Variants in FRAS1 observed in about 807,000 individuals in gnomAD.
The protein encoded by FRAS1 is Fraser extracellular matrix complex subunit 1.
A neutral mutation model predicts 435.2 loss-of-function variants in FRAS1; 290 were observed. The observed-to-expected ratio is 0.67, with a 90% confidence interval of 0.61 to 0.73. FRAS1 has a LOEUF of 0.73. Ranked by LOEUF, FRAS1 falls within the 30% of genes least tolerant of loss-of-function variation. The probability of loss-of-function intolerance (pLI) is 0.00; values close to 1 mark genes in which losing one functional copy is unlikely to be tolerated. For synonymous variants in FRAS1, 1,800 were observed against 1,851.0 expected (o/e 0.97, Z 0.71); for missense variants, 4,860 against 5,001.5 (o/e 0.97, Z 0.85).
Position 78,521,644 on chromosome 4 carries a change from C to A in FRAS1, c.10648+14C>A. 6.7e-7 allele frequency: 1 copy of A among 1,500,952 alleles called. No individual in the cohort carries two copies. Among genetic ancestry groups the A allele is most frequent in the South Asian group, 1.2e-5 (1 of 83,858 alleles). 93.0% of individuals were successfully genotyped at this position (1,500,952 alleles called of 1,614,324 possible). On this transcript the variant is annotated intron_variant, in intron 68 of 73. Transcript: ENST00000512123. ...CCAAATTCAGAGGTAATATCAATGC[C>A]GTTTTTTTTTTCCAACTTTTTATTA...
At chr4:78,494,767 C>T (rs1720464438) in intron 59 of FRAS1, among the ~76,000 whole-genome samples, 3 of 152,220 alleles carry the variant, frequency 2.0e-5, no homozygotes, top group Admixed American at 1.3e-4. Context: ...CACCCACCAG[C>T]TTCCTGACTC....
At chr4:78,067,672 TTTATTATTATTATTATTATTA>T (rs60743368) in intron 2 of FRAS1, among the ~76,000 whole-genome samples, 2 of 125,750 alleles carry the variant, frequency 1.6e-5, no homozygotes, top group Non-Finnish European at 3.2e-5. Flanking sequence ...TTTTCTTTCT[TTTATTATTATTATTATTATTA>T]TTATTATTAT....
intron 18 of FRAS1, among the ~76,000 whole-genome samples, chr4:78,330,496 T>G (rs1560660131): frequency 6.6e-6 from 1 of 152,256 alleles, no homozygotes; most frequent in Non-Finnish European, 1.5e-5. Context: ...CAGAGCCATA[T>G]TTCTCTTCTT....
At chr4:78,376,282 C>T (rs550945401) in intron 26 of FRAS1, among the ~76,000 whole-genome samples, 1 of 152,288 alleles carries the variant, frequency 6.6e-6, no homozygotes, top group African/African-American at 2.4e-5. Flanking sequence ...AGTGTACTTA[C>T]ACAAACCTAG....
chr4:78,236,943 A>G lies in FRAS1; in HGVS notation c.109-567A>G, dbSNP rs77634511. On this transcript the variant is annotated intron_variant, in intron 2 of 73. Coordinates refer to ENST00000512123, the MANE Select transcript of FRAS1 (RefSeq NM_025074.7). ...GCTTCATTTATACCTCAATATGCCC[A>G]GCACCCAGCCAGGCACAAAATAGTC... 9.8e-3 allele frequency among the ~76,000 whole-genome samples: 1,485 copies of G among 152,286 alleles called. 24 individuals carry two copies. The highest frequency in any genetic ancestry group is 0.034 in the African/African-American group (1,418 of 41,556).
chr4:78,185,509 T>A (rs1722232464), intron 2 of FRAS1, among the ~76,000 whole-genome samples: 1 of 152,212 alleles, frequency 6.6e-6, no homozygotes, highest in Admixed American at 6.5e-5. Context: ...GCTTAGGTTA[T>A]TAGCTTTAGA....
chr4:78,460,013 G>A (rs1719319759), intron 47 of FRAS1, among the ~76,000 whole-genome samples: 1 of 152,172 alleles, frequency 6.6e-6, no homozygotes. Context: ...ATATGAATTT[G>A]TGGTGGGGAA....
chr4:78,511,183 G>A, intron 63 of FRAS1, 91 bp from the exon 64 acceptor site: 1 of 1,034,482 alleles, frequency 9.7e-7, no homozygotes, highest in Non-Finnish European at 1.4e-6. Context: ...TGGGTGGATG[G>A]ATGATCTTTA....
At chr4:78,240,673 T>G (rs958818571) in intron 3 of FRAS1, among the ~76,000 whole-genome samples, 1 of 152,206 alleles carries the variant, frequency 6.6e-6, no homozygotes, top group Non-Finnish European at 1.5e-5. Context: ...GGAGATATAA[T>G]GTAGCTGTCA....
At chr4:78,470,233 G>T (rs372526937) in intron 51 of FRAS1, 142 bp downstream of exon 51, 2 of 616,352 alleles carry the variant, frequency 3.2e-6, no homozygotes, top group South Asian at 2.1e-5. Context: ...AGATTAGTGA[G>T]CTCCGTGAGT....
At chr4:78,519,092 AC>A (rs372551533) in intron 66 of FRAS1, among the ~76,000 whole-genome samples, 21,195 of 152,104 alleles carry the variant, frequency 0.14, 1,768 homozygotes, top group Non-Finnish European at 0.2. Flanking sequence ...TTCAAGTGCC[AC>A]CTCCTTAGAG....
intron 6 of FRAS1, among the ~76,000 whole-genome samples, chr4:78,260,410 G>A (rs1726028147): frequency 6.6e-6 from 1 of 152,100 alleles, no homozygotes; most frequent in Non-Finnish European, 1.5e-5. Context: ...CCTTGAAGAG[G>A]TCCTTCATAT....
intron 20 of FRAS1, among the ~76,000 whole-genome samples, chr4:78,362,322 C>CA (rs1731101089): frequency 6.6e-6 from 1 of 152,234 alleles, no homozygotes. Context: ...AGGAGCTTTG[C>CA]AGAGGGCTCA....
Position 78,105,411 on chromosome 4 carries a change from T to C in FRAS1, c.108+39395T>C, listed in dbSNP as rs550917408. Reference sequence around the variant, plus strand: ...GTGCTTTTCTGTTTATTTTTTTCTCTCTCAATATAACTAACGGCACAATGA... The same window carrying C: ...GTGCTTTTCTGTTTATTTTTTTCTCCCTCAATATAACTAACGGCACAATGA... On this transcript the variant is annotated intron_variant, in intron 2 of 73. Transcript: ENST00000512123. Among the ~76,000 whole-genome samples, 69 of 152,276 alleles carry C rather than the reference T, an allele frequency of 4.5e-4. 1 individual carries two copies. In the South Asian group the frequency reaches 0.011, roughly 25 times the overall value.
At chr4:78,075,457 C>T (rs570320372) in intron 2 of FRAS1, among the ~76,000 whole-genome samples, 4 of 152,142 alleles carry the variant, frequency 2.6e-5, no homozygotes, top group South Asian at 2.1e-4. Flanking sequence ...TTTATGTTAC[C>T]GCAGCCAGCA....
chr4:78,288,865 A>G (rs1169650799), intron 14 of FRAS1, among the ~76,000 whole-genome samples: 4 of 152,214 alleles, frequency 2.6e-5, no homozygotes, highest in African/African-American at 9.7e-5. Flanking sequence ...TTCACCACTG[A>G]CCTTGGAAGT....
chr4:78,102,602 A>G (rs1251644882), intron 2 of FRAS1, among the ~76,000 whole-genome samples: 2 of 152,222 alleles, frequency 1.3e-5, no homozygotes, highest in African/African-American at 4.8e-5. Flanking sequence ...TAGTGTATTT[A>G]ATAGGAACTG....
Position 78,450,263 on chromosome 4 carries a change from G to A in FRAS1, c.6387G>A (p.Met2129Ile). 1 of 1,613,878 alleles carries A rather than the reference G, an allele frequency of 6.2e-7. No individual in the cohort carries two copies. Among genetic ancestry groups the A allele is most frequent in the Non-Finnish European group, 8.5e-7 (1 of 1,179,816 alleles). Residue 2129 changes from methionine to isoleucine, a missense_variant, in exon 45 of 74, where the codon ATG becomes ATA. Met to Ile is a conservative substitution (Grantham distance 10). Transcript: ENST00000512123. ...ATCCTGGTGCAGGGCGCCTGCAGAT[G>A]ATGAAGCATGGCAACCTGGAGCAAA... ...KEDPGAGRLQ[M>I]MKHGNLEQIS...
intron 47 of FRAS1, among the ~76,000 whole-genome samples, chr4:78,452,977 A>G (rs1033756005): frequency 4.6e-5 from 7 of 152,208 alleles, no homozygotes; most frequent in Admixed American, 3.3e-4. Context: ...GTGCCCTTGG[A>G]AGGCAGAGTT....
Sources: gnomAD v4.1 joint callset for allele counts (sites outside exome capture counted in the v4.1 genomes callset) on GRCh38, gnomAD v4.1.1 for gene constraint, MANE v1.5 for transcripts, NCBI Gene and HGNC (gene_info 2026-07-23, HGNC 2026-07-21) for gene names.